The following ANKRD29 variants were observed in gnomAD, a reference collection of about 807,000 sequenced individuals.
ANKRD29 encodes the protein ankyrin repeat domain-containing protein 29.
A neutral mutation model predicts 38.0 loss-of-function variants in ANKRD29; 32 were observed. The observed-to-expected ratio is 0.84, with a 90% CI of 0.64 to 1.13. The LOEUF (loss-of-function observed/expected upper bound fraction) is 1.13. Ranked by LOEUF, ANKRD29 falls within the 50% of genes most tolerant of loss-of-function variation. The pLI, the probability that ANKRD29 is intolerant of heterozygous loss-of-function variation, is 0.00. For synonymous variants in ANKRD29, 135 were observed against 152.4 expected (o/e 0.89, Z 0.84); for missense variants, 357 against 377.9 (o/e 0.94, Z 0.46).
intron 3 of ANKRD29, 92 bp from the exon 4 acceptor site, chr18:23,639,039 CA>C: frequency 5.0e-6 from 5 of 1,005,086 alleles, no homozygotes; most frequent in Non-Finnish European, 5.7e-6. Context: ...AATATCCTTG[CA>C]TAGAAAACTT....
At position 23,617,731 on chromosome 18, in the gene ANKRD29, C is replaced by A. The variant is rs1208519531; in HGVS notation, c.723+1G>T. ...TAGTAAAATTTATCTTTAGGTCTTACCTTCAAAATACCAAGAGTGGGTGAG... is the reference window on the plus strand; with the variant it reads ...TAGTAAAATTTATCTTTAGGTCTTAACTTCAAAATACCAAGAGTGGGTGAG... On this transcript the variant is annotated splice_donor_variant, in intron 8 of 9. Coordinates refer to ENST00000592179, the MANE Select transcript of ANKRD29 (RefSeq NM_173505.4). LOFTEE classifies it high-confidence loss of function. 6.2e-7 allele frequency: 1 copy of A among 1,612,004 alleles called. No homozygotes were observed. The highest frequency in any genetic ancestry group is 1.3e-5 in the African/African-American group (1 of 75,008).
At chr18:23,620,344 A>G (rs146012228) in intron 6 of ANKRD29, among the ~76,000 whole-genome samples, 2 of 152,262 alleles carry the variant, frequency 1.3e-5, no homozygotes, top group Non-Finnish European at 2.9e-5. Context: ...TCCTCTGCGT[A>G]TATTTGGGAG....
At chr18:23,615,322 T>A (rs891217541) in intron 8 of ANKRD29, among the ~76,000 whole-genome samples, 5 of 152,190 alleles carry the variant, frequency 3.3e-5, no homozygotes, top group African/African-American at 1.2e-4. Context: ...TTTACATTTT[T>A]AAATGATTTT....
At chr18:23,621,168 A>ATG (rs2059792764) in intron 6 of ANKRD29, among the ~76,000 whole-genome samples, 1 of 152,228 alleles carries the variant, frequency 6.6e-6, no homozygotes, top group Admixed American at 6.5e-5. Context: ...ATATGCCCCA[A>ATG]GAGACTGTTT....
Position 23,599,020 on chromosome 18 carries a change from G to A in ANKRD29, c.*2206C>T, listed in dbSNP as rs1461120409. The A allele has an allele frequency of 2.0e-5, 3 of 152,208 alleles. No individual in the cohort carries two copies. Among genetic ancestry groups the A allele is most frequent in the African/African-American group, 4.8e-5 (2 of 41,456 alleles). The allele number at this position is 152,208 out of a possible 1,614,324, so 9.4% of individuals were successfully genotyped here. ...TGAAAAACGTTTGTAGTTCAGTTAA[G>A]CAGATGATTTGCATAGGAATTGCTA... is the stretch of plus-strand genomic sequence containing the variant. On this transcript the variant is annotated 3_prime_UTR_variant, in exon 10 of 10. Coordinates refer to ENST00000592179, the MANE Select transcript of ANKRD29 (RefSeq NM_173505.4).
chr18:23,656,229 T>G (rs1195125175), intron 1 of ANKRD29, among the ~76,000 whole-genome samples: 1 of 152,078 alleles, frequency 6.6e-6, no homozygotes, highest in Non-Finnish European at 1.5e-5. Context: ...GATAACAGCT[T>G]GACGGAAAAA....
intron 6 of ANKRD29, among the ~76,000 whole-genome samples, chr18:23,629,534 A>G (rs995934881): frequency 6.6e-6 from 1 of 152,250 alleles, no homozygotes; most frequent in African/African-American, 2.4e-5. Flanking sequence ...GCCTGCACTC[A>G]TTAGATCAGT....
At chr18:23,623,895 G>C (rs559644051) in intron 6 of ANKRD29, among the ~76,000 whole-genome samples, 1 of 151,426 alleles carries the variant, frequency 6.6e-6, no homozygotes, top group Non-Finnish European at 1.5e-5. Context: ...TGCCCGCCTC[G>C]GCCTCCCAAA....
intron 1 of ANKRD29, among the ~76,000 whole-genome samples, chr18:23,649,926 C>T (rs947904612): frequency 6.6e-6 from 1 of 152,038 alleles, no homozygotes; most frequent in Non-Finnish European, 1.5e-5. Context: ...GACAGAGTTT[C>T]ACCACGTTGG....
intron 1 of ANKRD29, 107 bp from the exon 2 acceptor site, chr18:23,649,300 G>A: frequency 1.2e-6 from 1 of 847,238 alleles, no homozygotes; most frequent in Non-Finnish European, 1.9e-6. Flanking sequence ...CAGATGTGTT[G>A]CATCATTTGA....
At chr18:23,629,796 C>A in intron 6 of ANKRD29, 57 bp downstream of exon 6, 1 of 1,464,774 alleles carries the variant, frequency 6.8e-7, no homozygotes, top group Admixed American at 1.8e-5. Context: ...AGCGGACACC[C>A]AGCCCTCCCT....
chr18:23,600,971 A>C lies in ANKRD29; in HGVS notation c.*255T>G, dbSNP rs2059503851. On this transcript the variant is annotated 3_prime_UTR_variant, in exon 10 of 10. Coordinates refer to ENST00000592179, the MANE Select transcript of ANKRD29 (RefSeq NM_173505.4). ...AAAATGAGTTTCTGTGGAATCTGTG[A>C]ACATGCCAGGCCCCCCGGGAGATGA... The C allele has an allele frequency of 1.2e-5, 4 of 327,626 alleles. No individual in the cohort carries two copies. The highest frequency in any genetic ancestry group is 1.7e-5 in the Non-Finnish European group (3 of 178,004). The allele number at this position is 327,626 out of a possible 1,614,324, so 20.3% of individuals were successfully genotyped here. A position where few individuals can be genotyped will look rare whatever the true frequency, so the allele number is the denominator to read the frequency against.
At chr18:23,659,599 T>C (rs139178686) in intron 1 of ANKRD29, among the ~76,000 whole-genome samples, 3,818 of 150,106 alleles carry the variant, frequency 0.025, 154 homozygotes, top group African/African-American at 0.085. Flanking sequence ...AAAAATTAGC[T>C]GGGCATGGTG....
chr18:23,650,449 G>A (rs2060196142), intron 1 of ANKRD29, among the ~76,000 whole-genome samples: 1 of 152,172 alleles, frequency 6.6e-6, no homozygotes, highest in South Asian at 2.1e-4. Context: ...GGGCCTACTG[G>A]GTTATTTTAA....
At chr18:23,619,502 C>T in intron 7 of ANKRD29, 29 bp downstream of exon 7, 1 of 1,557,964 alleles carries the variant, frequency 6.4e-7, no homozygotes, top group Admixed American at 1.9e-5. Context: ...GGAGGCTTCG[C>T]TCTTTGGCCG....
At chr18:23,645,330 CTT>C (rs1205881837) in intron 3 of ANKRD29, among the ~76,000 whole-genome samples, 1 of 152,206 alleles carries the variant, frequency 6.6e-6, no homozygotes, top group Non-Finnish European at 1.5e-5. Context: ...AATCCCGGCA[CTT>C]TGGGAGGCTG....
chr18:23,628,695 T>G (rs2145681457), intron 6 of ANKRD29, among the ~76,000 whole-genome samples: 1 of 151,876 alleles, frequency 6.6e-6, no homozygotes, highest in East Asian at 1.9e-4. Flanking sequence ...ATACAAAAAT[T>G]AGCTGGGCAT....
chr18:23,633,229 A>G (rs1364541843), intron 5 of ANKRD29, among the ~76,000 whole-genome samples: 2 of 152,216 alleles, frequency 1.3e-5, no homozygotes, highest in Non-Finnish European at 2.9e-5. Context: ...ACAGACCCGC[A>G]CTAGCAGTGG....
intron 9 of ANKRD29, among the ~76,000 whole-genome samples, chr18:23,604,592 G>A (rs2960582): frequency 1.6e-4 from 24 of 151,834 alleles, no homozygotes; most frequent in African/African-American, 4.1e-4. Flanking sequence ...CTGCAGTGGC[G>A]CAATCTCAGC....
Sources: gnomAD v4.1 joint callset for allele counts (sites outside exome capture counted in the v4.1 genomes callset) on GRCh38, gnomAD v4.1.1 for gene constraint, MANE v1.5 for transcripts, NCBI Gene and HGNC (gene_info 2026-07-23, HGNC 2026-07-21) for gene names.